The following SLC4A5 variants were observed in gnomAD, a reference collection of about 807,000 sequenced individuals.
SLC4A5 encodes the protein solute carrier family 4 member 5.
SLC4A5 carries 96 observed loss-of-function variants against 120.4 expected under a neutral mutation model. The ratio of observed to expected loss-of-function variants is 0.80; its 90% CI spans 0.68 to 0.94. The LOEUF is 0.94. Ranked by LOEUF, SLC4A5 falls within the 40% of genes least tolerant of loss-of-function variation. SLC4A5 has a pLI of 0.00. For missense variants in SLC4A5, 1,259 were observed against 1,459.5 expected (o/e 0.86, Z 2.24); for synonymous variants, 550 against 571.1 (o/e 0.96, Z 0.53).
chr2:74,234,210 G>A (rs1384686925), intron 22 of SLC4A5, among the ~76,000 whole-genome samples: 2 of 141,740 alleles, frequency 1.4e-5, no homozygotes, highest in Non-Finnish European at 3.0e-5. Flanking sequence ...ACAGAGTCTT[G>A]TTATGTTACC....
intron 5 of SLC4A5, among the ~76,000 whole-genome samples, chr2:74,323,445 A>G (rs528744164): frequency 2.0e-5 from 3 of 152,276 alleles, no homozygotes; most frequent in Admixed American, 6.5e-5. Context: ...ATCAAGAAGG[A>G]GAAGACAATG....
chr2:74,239,276 C>T (rs549115366), intron 21 of SLC4A5, 59 bp downstream of exon 21: 16 of 1,546,220 alleles, frequency 1.0e-5, no homozygotes, highest in Non-Finnish European at 1.4e-5. Context: ...AGAACCCTCT[C>T]TGGGGGACTC....
chr2:74,233,854 GCA>G (rs1185894992), intron 22 of SLC4A5, among the ~76,000 whole-genome samples: 1 of 152,204 alleles, frequency 6.6e-6, no homozygotes, highest in African/African-American at 2.4e-5. Context: ...AGGAGAGAGA[GCA>G]CAGTCACCTG....
At chr2:74,240,511 G>A (rs114045789) in intron 20 of SLC4A5, among the ~76,000 whole-genome samples, 49 of 152,266 alleles carry the variant, frequency 3.2e-4, no homozygotes, top group African/African-American at 1.1e-3. Flanking sequence ...GCATATAATA[G>A]GGATTCAGAA....
chr2:74,286,607 C>G (rs759502644), intron 7 of SLC4A5, among the ~76,000 whole-genome samples: 4 of 152,166 alleles, frequency 2.6e-5, no homozygotes, highest in African/African-American at 2.4e-5. Context: ...TGAAGAAGAC[C>G]TATGTGTCCT....
At chr2:74,243,702 G>C (rs1428248344) in intron 19 of SLC4A5, among the ~76,000 whole-genome samples, 1 of 152,124 alleles carries the variant, frequency 6.6e-6, no homozygotes, top group African/African-American at 2.4e-5. Flanking sequence ...GACCACCTTT[G>C]ATGTCTTCTG....
chr2:74,260,229 G>A (rs190000876), intron 11 of SLC4A5, among the ~76,000 whole-genome samples: 27 of 152,266 alleles, frequency 1.8e-4, no homozygotes, highest in African/African-American at 5.8e-4. Flanking sequence ...GCCCAATCTG[G>A]TGGACACCCT....
Position 74,233,389 on chromosome 2 carries a change from G to C in SLC4A5, c.2595+13C>G. Reference sequence around the variant, plus strand: ...GAAAGAGGTTATGCCTCTGCTCCTAGTACCGGCCTTACCTTCAGTTTGTTC... The same window carrying C: ...GAAAGAGGTTATGCCTCTGCTCCTACTACCGGCCTTACCTTCAGTTTGTTC... On this transcript the variant is annotated intron_variant, in intron 23 of 30. Coordinates refer to ENST00000394019, the Ensembl canonical transcript of SLC4A5. 1.9e-6 allele frequency: 3 copies of C among 1,614,060 alleles called. No individual in the cohort carries two copies. The highest frequency in any genetic ancestry group is 1.6e-4 in the Middle Eastern group (1 of 6,062).
intron 28 of SLC4A5, 64 bp downstream of exon 28, chr2:74,224,776 T>C: frequency 6.4e-7 from 1 of 1,566,908 alleles, no homozygotes; most frequent in Non-Finnish European, 8.6e-7. Flanking sequence ...TCCCTGTCCC[T>C]GGCAAAAGTG....
chr2:74,283,058 C>G (rs1671864675), intron 8 of SLC4A5, among the ~76,000 whole-genome samples: 1 of 152,196 alleles, frequency 6.6e-6, no homozygotes, highest in African/African-American at 2.4e-5. Context: ...CCCCATGTAT[C>G]TCTGACCCCA....
At chr2:74,227,557 G>C (rs746544480) in intron 26 of SLC4A5, 4 of 1,610,380 alleles carry the variant, frequency 2.5e-6, no homozygotes, top group Non-Finnish European at 3.4e-6. Context: ...TGACCCTCCG[G>C]TCCCCATCTG....
At chr2:74,340,467 T>C (rs1323091823) in intron 2 of SLC4A5, among the ~76,000 whole-genome samples, 1 of 151,740 alleles carries the variant, frequency 6.6e-6, no homozygotes, top group Non-Finnish European at 1.5e-5. Context: ...GGGAAGAGGG[T>C]AGCTTCATCC....
chr2:74,242,201 G>T (rs958650295), intron 19 of SLC4A5, 149 bp from the exon 20 acceptor site: 34 of 628,792 alleles, frequency 5.4e-5, no homozygotes, highest in Non-Finnish European at 2.7e-5. Flanking sequence ...TCCTCACTTT[G>T]CCCCAGTTAG....
intron 5 of SLC4A5, among the ~76,000 whole-genome samples, chr2:74,323,076 T>C (rs1393725482): frequency 6.6e-6 from 1 of 152,058 alleles, no homozygotes; most frequent in Non-Finnish European, 1.5e-5. Context: ...CCGTCTCTTA[T>C]TAAAAATACA....
chr2:74,326,916 G>A (rs1673230694), intron 5 of SLC4A5, among the ~76,000 whole-genome samples: 1 of 152,146 alleles, frequency 6.6e-6, no homozygotes, highest in South Asian at 2.1e-4. Flanking sequence ...CAGCAAGGTG[G>A]TGGTGACACA....
intron 7 of SLC4A5, among the ~76,000 whole-genome samples, chr2:74,298,296 A>C (rs1672387689): frequency 6.6e-6 from 1 of 152,238 alleles, no homozygotes; most frequent in African/African-American, 2.4e-5. Context: ...GTATCTGACA[A>C]GAGTGGTAAG....
intron 12 of SLC4A5, among the ~76,000 whole-genome samples, chr2:74,256,432 G>A (rs1670967159): frequency 6.6e-6 from 1 of 152,216 alleles, no homozygotes. Flanking sequence ...TGGCTCACAG[G>A]AATTCCTGGA....
At chr2:74,285,550 T>G (rs1671954981) in intron 8 of SLC4A5, among the ~76,000 whole-genome samples, 1 of 152,250 alleles carries the variant, frequency 6.6e-6, no homozygotes, top group Admixed American at 6.5e-5. Context: ...CATGGATGAC[T>G]GTTCTATCTT....
At chr2:74,220,986 C>G (rs186260384) in intron 30 of SLC4A5, among the ~76,000 whole-genome samples, 4,316 of 149,394 alleles carry the variant, frequency 0.029, 119 homozygotes, top group East Asian at 0.092. Context: ...GACTACAGGC[C>G]CCCACCACCA....
Sources: gnomAD v4.1 joint callset for allele counts (sites outside exome capture counted in the v4.1 genomes callset) on GRCh38, gnomAD v4.1.1 for gene constraint, MANE v1.5 for transcripts, NCBI Gene and HGNC (gene_info 2026-07-23, HGNC 2026-07-21) for gene names.